The following SLC46A2 variants were observed in gnomAD, a reference collection of about 807,000 sequenced individuals.
SLC46A2 encodes solute carrier family 46 member 2.
A neutral mutation model predicts 33.1 loss-of-function variants in SLC46A2; 25 were observed. The ratio of observed to expected loss-of-function variants is 0.76; its 90% CI spans 0.55 to 1.06. SLC46A2 has a LOEUF of 1.06. Ranked by LOEUF, SLC46A2 falls within the 50% of genes least tolerant of loss-of-function variation. The probability of loss-of-function intolerance (pLI) is 0.00; values close to 1 mark genes in which losing one functional copy is unlikely to be tolerated. For missense variants in SLC46A2, 622 were observed against 621.7 expected (o/e 1.00, Z 0.00); for synonymous variants, 254 against 275.9 (o/e 0.92, Z 0.79).
At chr9:112,887,960 A>AG (rs1473576166) in intron 1 of SLC46A2, among the ~76,000 whole-genome samples, 2 of 151,014 alleles carry the variant, frequency 1.3e-5, no homozygotes, top group African/African-American at 4.9e-5. Context: ...AGAGAGAGAG[A>AG]GAGAGAACGC....
chr9:112,887,778 C>T (rs1734591806), intron 1 of SLC46A2, among the ~76,000 whole-genome samples: 1 of 152,160 alleles, frequency 6.6e-6, no homozygotes, highest in African/African-American at 2.4e-5. Context: ...AGTGTCTGTC[C>T]TTGACATTAA....
chr9:112,886,891 AT>A (rs1270732587), intron 2 of SLC46A2, among the ~76,000 whole-genome samples: 1 of 152,004 alleles, frequency 6.6e-6, no homozygotes, highest in Non-Finnish European at 1.5e-5. Context: ...TGCCCTGCTA[AT>A]TTTTAATTTT....
intron 3 of SLC46A2, among the ~76,000 whole-genome samples, chr9:112,886,127 A>C (rs935619870): frequency 3.3e-5 from 5 of 152,228 alleles, no homozygotes; most frequent in Admixed American, 6.5e-5. Flanking sequence ...TGAACAAAAG[A>C]GGTCTGATGG....
intron 1 of SLC46A2, among the ~76,000 whole-genome samples, chr9:112,889,019 T>C (rs2131547708): frequency 6.6e-6 from 1 of 152,120 alleles, no homozygotes; most frequent in African/African-American, 2.4e-5. Flanking sequence ...GCTTCCTGAG[T>C]AGCTAGGACT....
In SLC46A2 at chr9:112,886,605, C is replaced by T. The variant is rs148125885; in HGVS notation, c.1225G>A (p.Val409Ile). The change falls in exon 3 of 4, where the codon GTC becomes ATC. Residue 409 changes from valine to isoleucine, a missense_variant. Physicochemically the swap from Val to Ile is conservative, Grantham distance 29. Coordinates refer to ENST00000374228, the MANE Select transcript of SLC46A2 (RefSeq NM_033051.4). ...IKGSSYGKVF[V>I]ILQLSLALTG... Reference sequence around the variant, plus strand: ...AGAGCCAAGGACAGCTGCAGTATGACGAACACCTTTCCTGTGGAAGGGACA... The same window carrying T: ...AGAGCCAAGGACAGCTGCAGTATGATGAACACCTTTCCTGTGGAAGGGACA... The T allele has an allele frequency of 4.6e-5, 75 of 1,613,970 alleles. No homozygotes were observed. Among genetic ancestry groups the T allele is most frequent in the African/African-American group, 3.2e-4 (24 of 75,028 alleles).
chr9:112,889,734 G>A lies in SLC46A2; in HGVS notation c.948C>T (p.Asn316=), dbSNP rs1371217074. Reference sequence around the variant, plus strand: ...CCATACCATAGCCCACCTGCACTTGGTTCCAACCGAGAGGCTCCCTCAGCA... The same window carrying A: ...CCATACCATAGCCCACCTGCACTTGATTCCAACCGAGAGGCTCCCTCAGCA... The part of the protein sequence containing the change: ...LFVLREPLGW[N]QVQVGYGMAA... The change falls in exon 1 of 4, where the codon AAC becomes AAT. Residue 316 remains asparagine, a synonymous_variant. Transcript: ENST00000374228. 6.2e-7 allele frequency: 1 copy of A among 1,614,122 alleles called. No individual in the cohort carries two copies. Among genetic ancestry groups the A allele is most frequent in the Admixed American group, 1.7e-5 (1 of 60,014 alleles).
In SLC46A2 at chr9:112,889,706, C is replaced by A. The variant is rs1037530870; in HGVS notation, c.976G>T (p.Ala326Ser). The change falls in exon 1 of 4, where the codon GCA becomes TCA. Residue 326 changes from alanine to serine, a missense_variant. Coordinates refer to ENST00000374228, the MANE Select transcript of SLC46A2 (RefSeq NM_033051.4). ...CTGGTGATGAAGATGGTGTACCCTG[C>A]AGCCATACCATAGCCCACCTGCACT... ...NQVQVGYGMA[A>S]GYTIFITSFL... 9 of 1,613,990 alleles carry A rather than the reference C, an allele frequency of 5.6e-6. No individual in the cohort carries two copies. The highest frequency in any genetic ancestry group is 7.6e-6 in the Non-Finnish European group (9 of 1,180,002).
At chr9:112,887,030 C>T (rs1841650890) in intron 2 of SLC46A2, among the ~76,000 whole-genome samples, 1 of 152,084 alleles carries the variant, frequency 6.6e-6, no homozygotes, top group African/African-American at 2.4e-5. Context: ...GCACCTGGTG[C>T]CTTCTCAGTC....
intron 1 of SLC46A2, among the ~76,000 whole-genome samples, chr9:112,888,896 T>TTG (rs1491507457): frequency 1.5e-4 from 20 of 129,694 alleles, no homozygotes; most frequent in African/African-American, 6.8e-4. Flanking sequence ...TGTTTGTTTG[T>TTG]TTTTTTTTTT....
intron 3 of SLC46A2, 53 bp from the exon 4 acceptor site, chr9:112,879,872 G>A: frequency 6.6e-7 from 1 of 1,515,138 alleles, no homozygotes; most frequent in South Asian, 1.1e-5. Flanking sequence ...ATGGGGTAAA[G>A]GTGAAACTGC....
intron 1 of SLC46A2, among the ~76,000 whole-genome samples, chr9:112,887,946 T>TGTGAGAGAGA (rs1554760068): frequency 7.2e-6 from 1 of 139,288 alleles, no homozygotes; most frequent in African/African-American, 2.7e-5. Flanking sequence ...TGTGTGTGTG[T>TGTGAGAGAGA]GAGAGAGAGA....
Position 112,890,600 on chromosome 9 carries a change from A to G in SLC46A2, c.82T>C (p.Ser28Pro), listed in dbSNP as rs1344577239. The G allele has an allele frequency of 6.2e-7, 1 of 1,609,534 alleles. No homozygotes were observed. The highest frequency in any genetic ancestry group is 1.7e-5 in the Admixed American group (1 of 60,030). The change falls in exon 1 of 4, where the codon TCG becomes CCG. Residue 28 changes from serine to proline, a missense_variant. Ser to Pro is a moderately conservative substitution (Grantham distance 74). Transcript: ENST00000374228. The surrounding 1 kb of genome is among the most constrained non-coding windows in gnomAD (Gnocchi z 6.0). ...PRTWVEPVVA[S>P]SQVAASLYDA... ...TAGAGGGAGGCAGCCACCTGGGACG[A>G]GGCCACCACGGGCTCAACCCAGGTC...
rs747896706 is a variant in SLC46A2 at position 112,890,179 on chromosome 9, C to A, written c.503G>T (p.Arg168Leu). Residue 168 changes from arginine (R) to leucine (L), a missense_variant, in exon 1 of 4, where the codon CGC becomes CTC. Physicochemically the swap from Arg to Leu is moderately radical, Grantham distance 102. Transcript: ENST00000374228. The surrounding 1 kb of genome is among the most constrained non-coding windows in gnomAD (Gnocchi z 6.0). ...ALGSLGSSEG[R>L]RSVRLILIDL... ...AATGAGGATGAGGCGCACAGAGCGG[C>A]GGCCCTCGGAGGAGCCCAGCGATCC... is the stretch of plus-strand genomic sequence containing the variant. 1.2e-6 allele frequency: 2 copies of A among 1,613,004 alleles called. No individual in the cohort carries two copies. Among genetic ancestry groups the A allele is most frequent in the South Asian group, 2.2e-5 (2 of 91,066 alleles).
rs760086819 is a variant in SLC46A2, at chr9:112,887,377, G to A, written c.1166C>T (p.Thr389Ile). ...TTTGGACATAGCTGATCGGATGGTT[G>A]TGACGGGGATGAGAGCAAACAGCAT... ...AVMLFALIPV[T>I]TIRSAMSKLI... Residue 389 changes from threonine to isoleucine, a missense_variant, in exon 2 of 4, where the codon ACA becomes ATA. Physicochemically the swap from Thr to Ile is moderately conservative, Grantham distance 89. Transcript: ENST00000374228. 3.1e-6 allele frequency: 5 copies of A among 1,612,046 alleles called. No homozygotes were observed. Among genetic ancestry groups the A allele is most frequent in the Non-Finnish European group, 4.2e-6 (5 of 1,179,186 alleles).
At position 112,889,893 on chromosome 9, in the gene SLC46A2, T is replaced by A; in HGVS notation, c.789A>T (p.Gln263His). ...ATGGAGGGTGCCCCACTGCATACTG[T>A]TGGTCCAACTGATCAGGATCCAGAG... Reference protein sequence around the residue: ...YRTLDPDQLDQQYAVGHPPSP... With the variant: ...YRTLDPDQLDHQYAVGHPPSP... Residue 263 changes from glutamine (Q) to histidine (H), a missense_variant, in exon 1 of 4, where the codon CAA (glutamine) becomes CAT (histidine). By Grantham distance (24) the Gln-to-His change is conservative (BLOSUM62 0). Transcript: ENST00000374228. The A allele has an allele frequency of 6.2e-7, 1 of 1,614,204 alleles. No individual in the cohort carries two copies. Among genetic ancestry groups the A allele is most frequent in the South Asian group, 1.1e-5 (1 of 91,086 alleles).
chr9:112,888,774 G>A (rs577995671), intron 1 of SLC46A2, among the ~76,000 whole-genome samples: 49 of 152,098 alleles, frequency 3.2e-4, no homozygotes, highest in African/African-American at 1.1e-3. Context: ...GGCATTTACC[G>A]AGTATTTTAA....
rs1588150018 is a variant in SLC46A2 at position 112,886,753 on chromosome 9, C to G, written c.1214-137G>C. 5.4e-6 allele frequency: 5 copies of G among 917,504 alleles called. No homozygotes were observed. In the East Asian group the frequency reaches 1.3e-4, roughly 24 times the overall value. The allele number at this position is 917,504 out of a possible 1,614,324, so 56.8% of individuals were successfully genotyped here. On this transcript the variant is annotated intron_variant, in intron 2 of 3. Coordinates refer to ENST00000374228, the MANE Select transcript of SLC46A2 (RefSeq NM_033051.4). ...CTCTCTCTTTTTTTAGAGACAGAGT[C>G]TTACTCTGTTGCCCAGGCTGGAGTG...
In SLC46A2 at chr9:112,887,562, C is replaced by T. The variant is rs201897049; in HGVS notation, c.1130-149G>A. 9.4e-5 allele frequency: 62 copies of T among 657,182 alleles called. No homozygotes were observed. In the East Asian group the frequency reaches 1.6e-3, roughly 17 times the overall value. The allele number at this position is 657,182 out of a possible 1,614,324, so 40.7% of individuals were successfully genotyped here. A position where few individuals can be genotyped will look rare whatever the true frequency, so the allele number is the denominator to read the frequency against. ...AGTCATTTCTCTGCTGGCACACTAG[C>T]GCCCTCCCTTGACCAGTCTGTGACC... On this transcript the variant is annotated intron_variant, in intron 1 of 3. Transcript: ENST00000374228.
chr9:112,888,887 GT>G (rs1564306287), intron 1 of SLC46A2, among the ~76,000 whole-genome samples: 10 of 124,182 alleles, frequency 8.1e-5, no homozygotes, highest in Non-Finnish European at 1.0e-4. Context: ...TTTTTTTTTT[GT>G]TTGTTTGTTT....
Sources: gnomAD v4.1 joint callset for allele counts (sites outside exome capture counted in the v4.1 genomes callset) on GRCh38, gnomAD v4.1.1 for gene constraint, Gnocchi (gnomAD v3.1) non-coding constraint, MANE v1.5 for transcripts, NCBI Gene and HGNC (gene_info 2026-07-23, HGNC 2026-07-21) for gene names.